QTMAN: variants seen among roughly 807,000 people sequenced by gnomAD.
QTMAN encodes tRNA-queuosine alpha-mannosyltransferase.
the QTMAN span, among the ~76,000 whole-genome samples, chr2:144,275,122 C>T: frequency 3.0e-4 from 46 of 152,228 alleles, no homozygotes; most frequent in Non-Finnish European, 5.1e-4. Context: ...CAGTGGCTCA[C>T]GTCTGTAATC....
At chr2:144,093,234 A>G in the QTMAN span, among the ~76,000 whole-genome samples, 1 of 152,356 alleles carries the variant, frequency 6.6e-6, no homozygotes, top group Non-Finnish European at 1.5e-5. Context: ...GGAATAATGC[A>G]TACAATCAAG....
At chr2:144,035,921 C>A in the QTMAN span, among the ~76,000 whole-genome samples, 1 of 152,154 alleles carries the variant, frequency 6.6e-6, no homozygotes, top group Non-Finnish European at 1.5e-5. Context: ...TGAAAGCAAA[C>A]AGGGCACCCT....
At chr2:144,182,881 ATATTTT>A in the QTMAN span, among the ~76,000 whole-genome samples, 1 of 81,924 alleles carries the variant, frequency 1.2e-5, no homozygotes, top group Non-Finnish European at 2.1e-5. Flanking sequence ...TATTATATAT[ATATTTT>A]ATATATATAT....
the QTMAN span, among the ~76,000 whole-genome samples, chr2:144,117,226 T>G: frequency 1.7e-3 from 264 of 152,336 alleles, no homozygotes; most frequent in African/African-American, 6.1e-3. Context: ...GACAGTAGAT[T>G]AGCATTTTCC....
chr2:144,092,439 T>G, the QTMAN span, among the ~76,000 whole-genome samples: 1 of 152,090 alleles, frequency 6.6e-6, no homozygotes, highest in Non-Finnish European at 1.5e-5. Flanking sequence ...CCTCCCAAAG[T>G]GCTGGGATTA....
At chr2:144,038,698 C>G in the QTMAN span, among the ~76,000 whole-genome samples, 1 of 152,036 alleles carries the variant, frequency 6.6e-6, no homozygotes, top group Non-Finnish European at 1.5e-5. Flanking sequence ...TTATTTTTTT[C>G]CTGTGGACTT....
chr2:144,179,547 C>T, the QTMAN span, among the ~76,000 whole-genome samples: 1 of 152,126 alleles, frequency 6.6e-6, no homozygotes, highest in East Asian at 1.9e-4. Context: ...ATAGTAGAAA[C>T]ATGAACCATC....
chr2:144,144,637 G>A, the QTMAN span, among the ~76,000 whole-genome samples: 2 of 151,902 alleles, frequency 1.3e-5, no homozygotes, highest in South Asian at 4.2e-4. Context: ...ACTCTATTTT[G>A]ATAGCACTGC....
the QTMAN span, chr2:144,317,401 G>GGAAGGAAGGAAA: frequency 1.3e-5 from 2 of 149,906 alleles, no homozygotes; most frequent in Admixed American, 1.3e-4. Flanking sequence ...AAGGAAGGAA[G>GGAAGGAAGGAAA]GAAGGAAGGA....
At chr2:143,984,725 T>C in the QTMAN span, among the ~76,000 whole-genome samples, 2 of 152,164 alleles carry the variant, frequency 1.3e-5, no homozygotes, top group Non-Finnish European at 2.9e-5. Context: ...GAGAAGTGTC[T>C]GAACATCGAG....
the QTMAN span, chr2:144,006,919 A>T: frequency 3.1e-6 from 1 of 320,704 alleles, no homozygotes; most frequent in Non-Finnish European, 5.7e-6. Flanking sequence ...ACAAGACTTG[A>T]TATGCTAGAA....
the QTMAN span, among the ~76,000 whole-genome samples, chr2:144,091,038 C>T: frequency 6.6e-6 from 1 of 151,368 alleles, no homozygotes; most frequent in East Asian, 1.9e-4. Context: ...GAGAAACAGA[C>T]ACACACACAC....
the QTMAN span, among the ~76,000 whole-genome samples, chr2:144,331,656 CA>C: frequency 6.6e-6 from 1 of 151,958 alleles, no homozygotes; most frequent in South Asian, 2.1e-4. Flanking sequence ...CGAGAGAAGG[CA>C]AAAAAACTAC....
the QTMAN span, among the ~76,000 whole-genome samples, chr2:144,078,923 T>C: frequency 1.3e-5 from 2 of 152,134 alleles, no homozygotes; most frequent in East Asian, 1.9e-4. Flanking sequence ...TTTCTCGATA[T>C]AAAGATTGGC....
the QTMAN span, chr2:144,011,855 A>C: frequency 2.5e-6 from 1 of 404,276 alleles, no homozygotes; most frequent in Non-Finnish European, 3.3e-6. Flanking sequence ...GAAGTGAAAG[A>C]GAGAAAAGAA....
the QTMAN span, among the ~76,000 whole-genome samples, chr2:143,991,147 C>G: frequency 6.6e-6 from 1 of 151,780 alleles, no homozygotes; most frequent in African/African-American, 2.4e-5. Context: ...GATCCAGATT[C>G]CAAAAGGAGA....
chr2:144,125,033 G>A, the QTMAN span, among the ~76,000 whole-genome samples: 1 of 152,034 alleles, frequency 6.6e-6, no homozygotes, highest in Non-Finnish European at 1.5e-5. Context: ...CCAAGTCTTG[G>A]AGCTAGAAAA....
At chr2:144,087,230 T>C in the QTMAN span, among the ~76,000 whole-genome samples, 1 of 152,004 alleles carries the variant, frequency 6.6e-6, no homozygotes, top group Non-Finnish European at 1.5e-5. Context: ...TGAAATGAAG[T>C]AGACAAATTT....
chr2:144,235,869 G>A, the QTMAN span: 5 of 152,286 alleles, frequency 3.3e-5, no homozygotes, highest in African/African-American at 9.7e-5. Context: ...GGAGAAGAAC[G>A]TGCAAGAACA....
Sources: allele counts gnomAD v4.1 joint callset (sites outside exome capture counted in the v4.1 genomes callset), GRCh38; gene constraint gnomAD v4.1.1; transcripts MANE v1.5; gene names NCBI Gene and HGNC (gene_info 2026-07-23, HGNC 2026-07-21).